The following NEXMIF variants were observed in gnomAD, a reference collection of about 807,000 sequenced individuals.
NEXMIF encodes the protein XLMR protein related to neurite extension.
NEXMIF carries 8 observed loss-of-function variants against 62.1 expected under a neutral mutation model. That is an observed-to-expected ratio of 0.13 (90% CI 0.08 to 0.23). NEXMIF has a LOEUF of 0.23. NEXMIF is among the 10% of genes least tolerant of loss of function. The pLI is 1.00. For synonymous variants in NEXMIF, 404 were observed against 416.6 expected, an observed-to-expected ratio of 0.97 and a Z score of 0.37; for missense variants, 976 against 1,113.3, an observed-to-expected ratio of 0.88 and a Z score of 1.75.
chrX:74,922,822 T>G (rs2080831484), intron 1 of NEXMIF, among the ~76,000 whole-genome samples: 1 of 111,997 alleles, frequency 8.9e-6, no homozygotes, highest in Admixed American at 9.5e-5. Flanking sequence ...CTGAATGCTG[T>G]TAACCTTAAA....
At chrX:74,788,031 C>T (rs1057219154) in intron 1 of NEXMIF, among the ~76,000 whole-genome samples, 13 of 111,532 alleles carry the variant, frequency 1.2e-4, no homozygotes, top group Admixed American at 1.9e-4. Flanking sequence ...CAGTTGGAAC[C>T]CAAAATAGTA....
intron 1 of NEXMIF, among the ~76,000 whole-genome samples, chrX:74,807,521 G>A (rs2147473234): frequency 9.1e-6 from 1 of 110,181 alleles, no homozygotes; most frequent in African/African-American, 3.3e-5. Context: ...GGAGTGCAGT[G>A]GCGCCATCTT....
chrX:74,735,365 C>T lies in NEXMIF; in HGVS notation c.*4040G>A, dbSNP rs2080082539. 8.9e-6 allele frequency: 1 copy of T among 111,889 alleles called. No individual in the cohort carries two copies. The highest frequency in any genetic ancestry group is 3.2e-5 in the African/African-American group (1 of 30,805). The allele number at this position is 111,889 out of a possible 1,213,427, so 9.2% of individuals were successfully genotyped here. A position where few individuals can be genotyped will look rare whatever the true frequency, so the allele number is the denominator to read the frequency against. On this transcript the variant is annotated 3_prime_UTR_variant, in exon 4 of 4. Coordinates refer to ENST00000055682, the MANE Select transcript of NEXMIF (RefSeq NM_001008537.3). Reference sequence around the variant, plus strand: ...GAAGACATGTTGGATCTACATCACACTGGTCCAGCTTGGTAATAGCAAGCA... The same window carrying T: ...GAAGACATGTTGGATCTACATCACATTGGTCCAGCTTGGTAATAGCAAGCA...
At chrX:74,878,674 C>T (rs1018444765) in intron 1 of NEXMIF, among the ~76,000 whole-genome samples, 1 of 112,745 alleles carries the variant, frequency 8.9e-6, no homozygotes, top group African/African-American at 3.2e-5. Flanking sequence ...GAGCCAGGTG[C>T]AGGATAGAAT....
chrX:74,823,604 C>T (rs756557175), intron 1 of NEXMIF, among the ~76,000 whole-genome samples: 1 of 110,377 alleles, frequency 9.1e-6, no homozygotes, highest in Non-Finnish European at 1.9e-5. Flanking sequence ...AGGAAATATA[C>T]ACTATAGTAT....
At chrX:74,885,865 A>C (rs1252725676) in intron 1 of NEXMIF, among the ~76,000 whole-genome samples, 1 of 111,990 alleles carries the variant, frequency 8.9e-6, no homozygotes, top group Non-Finnish European at 1.9e-5. Flanking sequence ...TTTTAGACCA[A>C]TATCCTTGAT....
intron 1 of NEXMIF, among the ~76,000 whole-genome samples, chrX:74,803,639 TA>T (rs1247527894): frequency 9.0e-6 from 1 of 110,633 alleles, no homozygotes; most frequent in East Asian, 2.8e-4. Context: ...GAAAGGGTCC[TA>T]AAAGCAGAAA....
In NEXMIF at chrX:74,741,047, G is replaced by T. The variant is rs1312161835; in HGVS notation, c.3510C>A (p.Asn1170Lys). 8.3e-7 allele frequency: 1 copy of T among 1,211,304 alleles called. No individual in the cohort carries two copies. The highest frequency in any genetic ancestry group is 2.2e-5 in the Admixed American group (1 of 46,013). The change falls in exon 3 of 4, where the codon AAC becomes AAA. Residue 1170 changes from asparagine (N) to lysine (K), a missense_variant. Physicochemically the swap from Asn to Lys is moderately conservative, Grantham distance 94. Transcript: ENST00000055682. ...NDPSGQISTN[N>K]KVSKSRKKSS... is the part of the protein sequence containing the mutation. ...TTTTCTTTCTTGATTTTGACACTTT[G>T]TTGTTGGTACTAATTTGACCAGATG... is the stretch of plus-strand genomic sequence containing the variant.
intron 1 of NEXMIF, among the ~76,000 whole-genome samples, chrX:74,789,055 C>A (rs745813337): frequency 9.3e-6 from 1 of 108,057 alleles, no homozygotes; most frequent in Non-Finnish European, 1.9e-5. Flanking sequence ...TATACATATG[C>A]CATGCTGGTG....
intron 1 of NEXMIF, among the ~76,000 whole-genome samples, chrX:74,863,096 C>G (rs2080563923): frequency 9.2e-6 from 1 of 109,049 alleles, no homozygotes; most frequent in Admixed American, 9.9e-5. Context: ...CACTTGAACC[C>G]AGGAGGCAGA....
intron 1 of NEXMIF, among the ~76,000 whole-genome samples, chrX:74,920,987 C>G (rs1288634860): frequency 9.0e-6 from 1 of 111,282 alleles, no homozygotes; most frequent in Non-Finnish European, 1.9e-5. Flanking sequence ...CTAGAGAAAA[C>G]AGTAGATAAT....
At chrX:74,758,627 T>G (rs2080166448) in intron 1 of NEXMIF, among the ~76,000 whole-genome samples, 1 of 111,298 alleles carries the variant, frequency 9.0e-6, no homozygotes. Context: ...ATTTGCATCA[T>G]TTAGCTCCCA....
intron 1 of NEXMIF, among the ~76,000 whole-genome samples, chrX:74,855,644 C>T (rs374792709): frequency 2.7e-5 from 3 of 112,160 alleles, no homozygotes; most frequent in African/African-American, 9.7e-5. Flanking sequence ...TAAGCTCCCA[C>T]CTGTGACTGA....
chrX:74,904,567 AAGATC>A (rs1179443450), intron 1 of NEXMIF, among the ~76,000 whole-genome samples: 41 of 111,963 alleles, frequency 3.7e-4, no homozygotes, highest in African/African-American at 1.3e-3. Context: ...TACAAGAAAA[AAGATC>A]AGAAGTTCAA....
intron 1 of NEXMIF, among the ~76,000 whole-genome samples, chrX:74,829,979 T>A (rs1369783851): frequency 8.9e-6 from 1 of 111,873 alleles, no homozygotes; most frequent in Non-Finnish European, 1.9e-5. Context: ...TTTGCAAATA[T>A]TTTTTCCTAA....
intron 1 of NEXMIF, among the ~76,000 whole-genome samples, chrX:74,870,358 C>T (rs146829123): frequency 0.012 from 1,376 of 111,346 alleles, 24 homozygotes; most frequent in African/African-American, 0.043. Flanking sequence ...AGACCTCAAG[C>T]TATGAATCCA....
chrX:74,782,124 A>T (rs1316332487), intron 1 of NEXMIF, among the ~76,000 whole-genome samples: 1 of 111,415 alleles, frequency 9.0e-6, no homozygotes, highest in Non-Finnish European at 1.9e-5. Flanking sequence ...ATTTAAAAGG[A>T]TGAGGGGTTG....
At chrX:74,809,454 C>G (rs1264445908) in intron 1 of NEXMIF, among the ~76,000 whole-genome samples, 1 of 111,450 alleles carries the variant, frequency 9.0e-6, no homozygotes, top group Non-Finnish European at 1.9e-5. Flanking sequence ...AATCCCTAGA[C>G]AAATTAGAGA....
intron 1 of NEXMIF, among the ~76,000 whole-genome samples, chrX:74,892,557 T>C (rs1198082350): frequency 8.9e-6 from 1 of 112,245 alleles, no homozygotes; most frequent in Middle Eastern, 4.2e-3. Flanking sequence ...TATAGATACA[T>C]ATATACTTAT....
Sources: allele counts gnomAD v4.1 joint callset (sites outside exome capture counted in the v4.1 genomes callset), GRCh38; gene constraint gnomAD v4.1.1; transcripts MANE v1.5; gene names NCBI Gene and HGNC (gene_info 2026-07-23, HGNC 2026-07-21).